The following FTCDNL1 variants were observed in gnomAD, a reference collection of about 807,000 sequenced individuals.
The protein encoded by FTCDNL1 is formiminotransferase cyclodeaminase N-terminal like.
Under a neutral mutation model 5.9 loss-of-function variants are expected in FTCDNL1, and 11 were observed. That is an observed-to-expected ratio of 1.87 (90% confidence interval 1.18 to 3.10). The LOEUF (loss-of-function observed/expected upper bound fraction) is 3.10. Among genes scored for constraint, FTCDNL1 ranks in the 30% most tolerant of loss-of-function variants. The pLI, the probability that FTCDNL1 is intolerant of heterozygous loss-of-function variation, is 0.00. For synonymous variants in FTCDNL1, 58 were observed against 24.8 expected, an observed-to-expected ratio of 2.34 and a Z score of -3.99; for missense variants, 115 against 65.5, an observed-to-expected ratio of 1.76 and a Z score of -2.61.
chr2:199,705,733 A>T, the FTCDNL1 span, among the ~76,000 whole-genome samples: 14 of 151,122 alleles, frequency 9.3e-5, no homozygotes, highest in Non-Finnish European at 1.8e-4. Flanking sequence ...CAAGTTGAGC[A>T]AGTTTCATTC....
the FTCDNL1 span, among the ~76,000 whole-genome samples, chr2:199,731,926 C>T: frequency 6.6e-6 from 1 of 151,662 alleles, no homozygotes; most frequent in South Asian, 2.1e-4. Flanking sequence ...GTCACCTATT[C>T]CAGCTCTGTG....
the FTCDNL1 span, among the ~76,000 whole-genome samples, chr2:199,738,539 C>T: frequency 1.3e-5 from 2 of 151,304 alleles, no homozygotes; most frequent in Non-Finnish European, 3.0e-5. Flanking sequence ...TTTTTTTTTC[C>T]CCCTTGCAAA....
At chr2:199,695,685 T>C in the FTCDNL1 span, among the ~76,000 whole-genome samples, 1 of 152,064 alleles carries the variant, frequency 6.6e-6, no homozygotes, top group Non-Finnish European at 1.5e-5. Context: ...TCCAGAATCC[T>C]AGCTCCAGGA....
At chr2:199,786,106 G>A (rs1040199130) in intron 3 of FTCDNL1, among the ~76,000 whole-genome samples, 6 of 152,076 alleles carry the variant, frequency 3.9e-5, no homozygotes, top group African/African-American at 1.2e-4. Flanking sequence ...CCTGCTGTGC[G>A]GCCCAGTTCC....
At chr2:199,686,498 C>T in the FTCDNL1 span, among the ~76,000 whole-genome samples, 1 of 152,104 alleles carries the variant, frequency 6.6e-6, no homozygotes, top group East Asian at 1.9e-4. Context: ...TGAAAGAATC[C>T]AAACAGACAT....
At chr2:199,780,256 C>T (rs953792773) in intron 3 of FTCDNL1, among the ~76,000 whole-genome samples, 7 of 152,136 alleles carry the variant, frequency 4.6e-5, no homozygotes, top group African/African-American at 1.4e-4. Context: ...CCTTATATCC[C>T]TGAGTCCACC....
intron 3 of FTCDNL1, among the ~76,000 whole-genome samples, chr2:199,824,393 C>T (rs914277476): frequency 6.6e-6 from 1 of 152,222 alleles, no homozygotes; most frequent in Admixed American, 6.5e-5. Flanking sequence ...ATCCAGACCA[C>T]TAAAACTTTC....
intron 3 of FTCDNL1, among the ~76,000 whole-genome samples, chr2:199,787,572 T>A (rs1446832027): frequency 6.6e-6 from 1 of 152,168 alleles, no homozygotes; most frequent in East Asian, 1.9e-4. Context: ...GGAGGGACAA[T>A]ATTCTACCTA....
intron 1 of FTCDNL1, 46 bp from the exon 2 acceptor site, chr2:199,849,015 A>C (rs2106634951): frequency 1.5e-6 from 1 of 678,032 alleles, no homozygotes; most frequent in Non-Finnish European, 2.7e-6. Flanking sequence ...GTTGATTCAT[A>C]TTTTCATGTT....
the FTCDNL1 span, among the ~76,000 whole-genome samples, chr2:199,718,286 T>A: frequency 6.6e-6 from 1 of 152,174 alleles, no homozygotes. Context: ...TTCCCACTGT[T>A]TACCTTCTAC....
At chr2:199,786,621 C>A (rs78059688) in intron 3 of FTCDNL1, among the ~76,000 whole-genome samples, 13,351 of 152,150 alleles carry the variant, frequency 0.088, 931 homozygotes, top group Non-Finnish European at 0.13. Flanking sequence ...TCCTATGACA[C>A]CTATTTAACA....
intron 3 of FTCDNL1, among the ~76,000 whole-genome samples, chr2:199,831,515 C>G (rs1702369486): frequency 6.6e-6 from 1 of 152,004 alleles, no homozygotes; most frequent in Non-Finnish European, 1.5e-5. Flanking sequence ...ATATGTAATA[C>G]CATGGATATA....
chr2:199,797,091 C>T (rs1700210468), intron 3 of FTCDNL1, among the ~76,000 whole-genome samples: 1 of 152,106 alleles, frequency 6.6e-6, no homozygotes, highest in African/African-American at 2.4e-5. Context: ...GCATTATTGA[C>T]ATGTAGTATG....
At chr2:199,844,518 C>A (rs1324805601) in intron 3 of FTCDNL1, 2 of 627,652 alleles carry the variant, frequency 3.2e-6, no homozygotes, top group East Asian at 5.9e-5. Context: ...AGGCAGGCAG[C>A]CAGAACAGAA....
intron 3 of FTCDNL1, among the ~76,000 whole-genome samples, chr2:199,821,477 T>A (rs768949927): frequency 9.4e-5 from 14 of 148,904 alleles, no homozygotes; most frequent in Non-Finnish European, 1.8e-4. Flanking sequence ...TGTTTGTTTG[T>A]TTTTTGAGAT....
At chr2:199,786,345 A>T (rs1485188572) in intron 3 of FTCDNL1, among the ~76,000 whole-genome samples, 1 of 151,890 alleles carries the variant, frequency 6.6e-6, no homozygotes, top group East Asian at 1.9e-4. Flanking sequence ...TATATTGGGG[A>T]CTTCAGAACC....
intron 3 of FTCDNL1, among the ~76,000 whole-genome samples, chr2:199,791,678 A>G (rs988850207): frequency 2.6e-5 from 4 of 152,164 alleles, no homozygotes; most frequent in African/African-American, 9.7e-5. Context: ...ATAATATAAA[A>G]TTTATGTTAA....
intron 2 of FTCDNL1, among the ~76,000 whole-genome samples, chr2:199,848,167 C>A (rs2076779082): frequency 6.6e-6 from 1 of 152,150 alleles, no homozygotes; most frequent in Non-Finnish European, 1.5e-5. Context: ...CAAATAATAC[C>A]TAACCATGTG....
At chr2:199,734,351 G>C in the FTCDNL1 span, among the ~76,000 whole-genome samples, 1 of 152,194 alleles carries the variant, frequency 6.6e-6, no homozygotes, top group African/African-American at 2.4e-5. Flanking sequence ...ATTAGACAGA[G>C]AAGAAAAGCT....
Sources: gnomAD v4.1 joint callset for allele counts (sites outside exome capture counted in the v4.1 genomes callset) on GRCh38, gnomAD v4.1.1 for gene constraint, MANE v1.5 for transcripts, NCBI Gene and HGNC (gene_info 2026-07-23, HGNC 2026-07-21) for gene names.